Variants in OPCML observed in about 807,000 individuals in gnomAD.
OPCML encodes the protein opioid binding protein/cell adhesion molecule like, also known as opioid-binding protein/cell adhesion molecule.
Under a neutral mutation model 37.8 loss-of-function variants are expected in OPCML, and 13 were observed. The ratio of observed to expected loss-of-function variants is 0.34; its 90% CI spans 0.22 to 0.55. OPCML has a LOEUF of 0.55. OPCML is among the 20% of genes least tolerant of loss of function. OPCML has a pLI of 0.91. For missense variants in OPCML, 341 were observed against 435.6 expected (o/e 0.78, Z 1.93); for synonymous variants, 176 against 168.8 (o/e 1.04, Z -0.33).
intron 3 of OPCML, among the ~76,000 whole-genome samples, chr11:132,653,373 C>T (rs1210334842): frequency 6.6e-6 from 1 of 152,178 alleles, no homozygotes; most frequent in Non-Finnish European, 1.5e-5. Flanking sequence ...GGAGTCACTC[C>T]TGCCTGCGCT....
At chr11:132,671,854 A>C (rs1266740721) in intron 2 of OPCML, among the ~76,000 whole-genome samples, 1 of 152,208 alleles carries the variant, frequency 6.6e-6, no homozygotes, top group Non-Finnish European at 1.5e-5. Context: ...GAGAAAAAAG[A>C]AAACGAGAAG....
At chr11:132,674,262 C>G (rs776128674) in intron 2 of OPCML, among the ~76,000 whole-genome samples, 1 of 152,176 alleles carries the variant, frequency 6.6e-6, no homozygotes, top group Non-Finnish European at 1.5e-5. Flanking sequence ...GCAGAGAGAA[C>G]TAGAGAGGCT....
intron 4 of OPCML, among the ~76,000 whole-genome samples, chr11:132,447,243 G>A (rs371906623): frequency 6.6e-6 from 1 of 152,162 alleles, no homozygotes; most frequent in Non-Finnish European, 1.5e-5. Context: ...TGAGCTGGGT[G>A]GACCCATAGT....
At chr11:132,831,429 G>A (rs749920964) in intron 2 of OPCML, among the ~76,000 whole-genome samples, 3 of 152,106 alleles carry the variant, frequency 2.0e-5, no homozygotes, top group African/African-American at 4.8e-5. Flanking sequence ...TCCATCACAG[G>A]CGATGAGAAC....
intron 3 of OPCML, among the ~76,000 whole-genome samples, chr11:132,587,967 T>C (rs1384289052): frequency 6.6e-6 from 1 of 152,066 alleles, no homozygotes; most frequent in African/African-American, 2.4e-5. Context: ...GATATGAGGG[T>C]AGAAGTTATG....
chr11:133,462,192 C>A (rs1166398247), intron 1 of OPCML, among the ~76,000 whole-genome samples: 1 of 151,856 alleles, frequency 6.6e-6, no homozygotes, highest in African/African-American at 2.4e-5. Flanking sequence ...GTAATCAACT[C>A]AGTATGGACC....
intron 1 of OPCML, among the ~76,000 whole-genome samples, chr11:133,505,277 G>A (rs1037864640): frequency 6.6e-6 from 1 of 152,222 alleles, no homozygotes; most frequent in Non-Finnish European, 1.5e-5. Flanking sequence ...AGAGAAGGGG[G>A]CCGGAGGCCT....
intron 3 of OPCML, among the ~76,000 whole-genome samples, chr11:132,632,054 G>C (rs1940167574): frequency 6.6e-6 from 1 of 151,864 alleles, no homozygotes; most frequent in African/African-American, 2.4e-5. Context: ...ATGCTGATCA[G>C]GGCTGGGCTG....
intron 4 of OPCML, among the ~76,000 whole-genome samples, chr11:132,469,689 GGTGTATGTGT>G (rs1276300381): frequency 1.3e-4 from 18 of 134,606 alleles, no homozygotes; most frequent in African/African-American, 4.3e-4. Flanking sequence ...TATGTGTGGG[GGTGTATGTGT>G]GTGTATGTGT....
At chr11:133,140,057 CA>C (rs1949744519) in intron 1 of OPCML, among the ~76,000 whole-genome samples, 2 of 151,490 alleles carry the variant, frequency 1.3e-5, no homozygotes, top group African/African-American at 4.9e-5. Context: ...CGTAGTGGCG[CA>C]CACCTGTAGT....
At chr11:132,533,736 T>C (rs1350300340) in intron 3 of OPCML, among the ~76,000 whole-genome samples, 1 of 152,158 alleles carries the variant, frequency 6.6e-6, no homozygotes. Flanking sequence ...GTACCTTTAA[T>C]TGTACATACA....
chr11:132,923,068 C>T (rs953804647), intron 2 of OPCML, among the ~76,000 whole-genome samples: 7 of 125,908 alleles, frequency 5.6e-5, no homozygotes, highest in African/African-American at 2.3e-4. Flanking sequence ...AGTGAGACTC[C>T]GTCTCAGAAA....
intron 1 of OPCML, among the ~76,000 whole-genome samples, chr11:133,022,399 C>T (rs1053787944): frequency 2.0e-5 from 3 of 152,026 alleles, no homozygotes; most frequent in African/African-American, 7.2e-5. Flanking sequence ...ACTGCAGTTT[C>T]GTTACATGGA....
At chr11:132,663,732 C>T (rs1331877740) in intron 2 of OPCML, among the ~76,000 whole-genome samples, 2 of 152,236 alleles carry the variant, frequency 1.3e-5, no homozygotes, top group African/African-American at 4.8e-5. Context: ...ACTTCGTTAT[C>T]ACAGGATGAG....
rs76994411 is a variant in OPCML, at chr11:132,877,298, C to G, written c.146+65628G>C. On this transcript the variant is annotated intron_variant, in intron 2 of 7. Transcript: ENST00000524381. Reference sequence around the variant, plus strand: ...AGGAACTAAGCTGCACCCCCCCACCCAAAAAAAGATGCAATATTCACTTGA... The same window carrying G: ...AGGAACTAAGCTGCACCCCCCCACCGAAAAAAAGATGCAATATTCACTTGA... 4.6e-4 allele frequency among the ~76,000 whole-genome samples: 70 copies of G among 151,958 alleles called. 1 individual carries two copies. In the East Asian group the frequency reaches 0.012, roughly 27 times the overall value.
At chr11:133,253,392 C>T (rs1324424083) in intron 1 of OPCML, among the ~76,000 whole-genome samples, 2 of 152,162 alleles carry the variant, frequency 1.3e-5, no homozygotes, top group Non-Finnish European at 2.9e-5. Context: ...TCACTGCAGA[C>T]TCTGCCTCCC....
intron 2 of OPCML, among the ~76,000 whole-genome samples, chr11:132,842,125 C>A (rs561962659): frequency 6.6e-6 from 1 of 152,162 alleles, no homozygotes; most frequent in South Asian, 2.1e-4. Context: ...TGGCTTTATT[C>A]CCTCAATCAA....
chr11:132,725,897 A>T (rs1944863737), intron 2 of OPCML, among the ~76,000 whole-genome samples: 1 of 152,208 alleles, frequency 6.6e-6, no homozygotes, highest in African/African-American at 2.4e-5. Flanking sequence ...CTCTTTGCTA[A>T]AACATAACAA....
intron 2 of OPCML, among the ~76,000 whole-genome samples, chr11:132,781,079 A>C (rs927662602): frequency 1.3e-5 from 2 of 152,194 alleles, no homozygotes; most frequent in Non-Finnish European, 1.5e-5. Context: ...AGAAATTAAC[A>C]TCAAAATAGG....
Sources: gnomAD v4.1 joint callset for allele counts (sites outside exome capture counted in the v4.1 genomes callset) on GRCh38, gnomAD v4.1.1 for gene constraint, MANE v1.5 for transcripts, NCBI Gene and HGNC (gene_info 2026-07-23, HGNC 2026-07-21) for gene names.